The following RP1 variants were observed in gnomAD, a reference collection of about 807,000 sequenced individuals.
The protein encoded by RP1 is RP1 axonemal microtubule associated.
A neutral mutation model predicts 14.8 loss-of-function variants in RP1; 16 were observed. The observed-to-expected ratio is 1.08, with a 90% CI of 0.73 to 1.65. RP1 has a LOEUF of 1.65. Ranked by LOEUF, RP1 falls within the 40% of genes most tolerant of loss-of-function variation. The pLI, the probability that RP1 is intolerant of heterozygous loss-of-function variation, is 0.00. For missense variants in RP1, 2,631 were observed against 2,535.0 expected, an observed-to-expected ratio of 1.04 and a Z score of -0.81; for synonymous variants, 876 against 883.6, an observed-to-expected ratio of 0.99 and a Z score of 0.15.
intron 1 of RP1, among the ~76,000 whole-genome samples, chr8:54,592,864 T>C (rs1242712936): frequency 1.3e-5 from 2 of 152,180 alleles, no homozygotes; most frequent in East Asian, 1.9e-4. Flanking sequence ...ACCAGCTGTG[T>C]CTGTTCCTCT....
In RP1 at chr8:54,670,697, AT is replaced by A. The variant is rs1563343322; in HGVS notation, c.1324-3152del. Reference sequence around the variant, plus strand: ...TATATATATATATATATATATATATATATATATATAAAACATTAAGTCCTGG... The same window carrying A: ...TATATATATATATATATATATATATAATATATATAAAACATTAAGTCCTGG... On this transcript the variant is annotated intron_variant, in intron 7 of 22. Coordinates refer to the RP1 transcript ENST00000636932. Among the ~76,000 whole-genome samples the A allele has an allele frequency of 2.0e-4, 28 of 139,136 alleles. 1 individual carries two copies. Among genetic ancestry groups the A allele is most frequent in the African/African-American group, 6.6e-4 (25 of 37,678 alleles). The allele number at this position is 139,136 out of a possible 152,430, so 91.3% of individuals were successfully genotyped here. A position where few individuals can be genotyped will look rare whatever the true frequency, so the allele number is the denominator to read the frequency against.
chr8:54,572,010 A>T (rs1804534775), intron 1 of RP1, among the ~76,000 whole-genome samples: 1 of 152,200 alleles, frequency 6.6e-6, no homozygotes. Flanking sequence ...GGACTTCAAT[A>T]TATTTTAAGG....
Position 54,627,882 on chromosome 8 carries a change from G to A in RP1, c.4000G>A (p.Val1334Ile), listed in dbSNP as rs568312011. ...EGACPIDETY[V>I]PVNVCNTIDF... ...AGCTTGCCCAATTGATGAGACCTAC[G>A]TTCCTGTCAATGTCTGCAATACCAT... The change falls in exon 4 of 4, where the codon GTT (valine) becomes ATT (isoleucine). Residue 1334 changes from valine (V) to isoleucine (I), a missense_variant. Physicochemically the swap from Val to Ile is conservative, Grantham distance 29. Coordinates refer to ENST00000220676, the MANE Select transcript of RP1 (RefSeq NM_006269.2). 3.8e-5 allele frequency: 61 copies of A among 1,614,074 alleles called. No individual in the cohort carries two copies. The highest frequency in any genetic ancestry group is 4.6e-5 in the Non-Finnish European group (54 of 1,179,978).
chr8:54,596,861 A>T (rs1269914999), intron 1 of RP1, among the ~76,000 whole-genome samples: 1 of 152,128 alleles, frequency 6.6e-6, no homozygotes, highest in African/African-American at 2.4e-5. Context: ...CACCTCTGAA[A>T]TTTTTTGGAA....
intron 15 of RP1, among the ~76,000 whole-genome samples, chr8:54,717,745 A>G (rs77102309): frequency 0.012 from 1,757 of 152,288 alleles, 15 homozygotes; most frequent in South Asian, 0.022. Context: ...TAGCTAATCA[A>G]TAAGACAGAA....
chr8:54,650,330 T>C (rs1464846785), intron 4 of RP1, among the ~76,000 whole-genome samples: 2 of 152,218 alleles, frequency 1.3e-5, no homozygotes, highest in African/African-American at 2.4e-5. Context: ...TTTGTTCTAA[T>C]GAATTGTTTT....
At chr8:54,600,125 T>G (rs1254460123) in intron 1 of RP1, among the ~76,000 whole-genome samples, 1 of 152,082 alleles carries the variant, frequency 6.6e-6, no homozygotes, top group African/African-American at 2.4e-5. Flanking sequence ...AGGGAACTGG[T>G]GGGAGGTAAC....
chr8:54,689,474 G>C (rs142026696), intron 12 of RP1, among the ~76,000 whole-genome samples: 169 of 152,084 alleles, frequency 1.1e-3, no homozygotes, highest in African/African-American at 3.9e-3. Context: ...TGGGGCCTAA[G>C]TTGGCATACC....
chr8:54,573,177 G>C (rs1804567085), intron 1 of RP1, among the ~76,000 whole-genome samples: 1 of 152,100 alleles, frequency 6.6e-6, no homozygotes, highest in Non-Finnish European at 1.5e-5. Context: ...TCTTAACCAA[G>C]TTTGGATAAA....
At chr8:54,841,911 T>G (rs1811798894) in intron 25 of RP1, among the ~76,000 whole-genome samples, 2 of 152,206 alleles carry the variant, frequency 1.3e-5, no homozygotes, top group South Asian at 4.1e-4. Flanking sequence ...CTTTGGCAAG[T>G]GGTCAGAAGG....
chr8:54,852,339 G>A (rs1812076582), intron 25 of RP1, among the ~76,000 whole-genome samples: 1 of 152,022 alleles, frequency 6.6e-6, no homozygotes, highest in Non-Finnish European at 1.5e-5. Flanking sequence ...GTACATAATT[G>A]CTAACAATAA....
At chr8:54,856,951 A>G (rs1464831156) in intron 26 of RP1, 3 of 398,040 alleles carry the variant, frequency 7.5e-6, no homozygotes, top group Non-Finnish European at 4.2e-6. Flanking sequence ...ACAATATAGT[A>G]TCAATAGTAA....
chr8:54,642,636 CTAAA>C (rs1210992963), intron 3 of RP1, among the ~76,000 whole-genome samples: 2 of 152,022 alleles, frequency 1.3e-5, no homozygotes, highest in Non-Finnish European at 2.9e-5. Context: ...ATGATTGTAT[CTAAA>C]TATTTGCTAC....
chr8:54,611,211 C>T (rs1805583386), upstream of RP1, among the ~76,000 whole-genome samples: 1 of 152,162 alleles, frequency 6.6e-6, no homozygotes, highest in South Asian at 2.1e-4. Flanking sequence ...GTTCATCGAA[C>T]TTTTGAATTT....
At chr8:54,714,209 A>G (rs2129347856) in intron 15 of RP1, among the ~76,000 whole-genome samples, 1 of 152,328 alleles carries the variant, frequency 6.6e-6, no homozygotes, top group Admixed American at 6.5e-5. Flanking sequence ...TACAGGCGTG[A>G]GCCACCGCAC....
chr8:54,617,174 G>T (rs1372125853), intron 1 of RP1, among the ~76,000 whole-genome samples: 1 of 152,146 alleles, frequency 6.6e-6, no homozygotes, highest in Non-Finnish European at 1.5e-5. Flanking sequence ...GAAGTCACTG[G>T]TGAAGAAACT....
chr8:54,587,018 A>C (rs1247374370), intron 1 of RP1, among the ~76,000 whole-genome samples: 1 of 151,938 alleles, frequency 6.6e-6, no homozygotes, highest in Non-Finnish European at 1.5e-5. Context: ...CTACTGTCTG[A>C]CACTCCCCAG....
chr8:54,681,482 T>TTGTGTGTGTG (rs3049538), intron 12 of RP1, among the ~76,000 whole-genome samples: 7 of 141,778 alleles, frequency 4.9e-5, no homozygotes, highest in East Asian at 2.0e-4. Context: ...ATTTTTTGAT[T>TTGTGTGTGTG]TGTGTGTGTG....
intron 24 of RP1, among the ~76,000 whole-genome samples, chr8:54,800,038 C>T (rs1348538393): frequency 7.0e-6 from 1 of 143,688 alleles, no homozygotes; most frequent in East Asian, 1.9e-4. Flanking sequence ...GTTAGAAATA[C>T]ATTTCCTCAG....
Sources: allele counts gnomAD v4.1 joint callset (sites outside exome capture counted in the v4.1 genomes callset), GRCh38; gene constraint gnomAD v4.1.1; transcripts MANE v1.5; gene names NCBI Gene and HGNC (gene_info 2026-07-23, HGNC 2026-07-21).